The following SLC35F3 variants were observed in gnomAD, a reference collection of about 807,000 sequenced individuals.
The protein encoded by SLC35F3 is putative thiamine transporter SLC35F3.
A neutral mutation model predicts 49.9 loss-of-function variants in SLC35F3; 25 were observed. The ratio of observed to expected loss-of-function variants is 0.50; its 90% confidence interval spans 0.37 to 0.70. SLC35F3 has a LOEUF of 0.70. Ranked by LOEUF, SLC35F3 falls within the 30% of genes least tolerant of loss-of-function variation. SLC35F3 has a pLI of 0.00. For synonymous variants in SLC35F3, 275 were observed against 265.4 expected (o/e 1.04, Z -0.35); for missense variants, 525 against 639.8 (o/e 0.82, Z 1.94).
chr1:233,995,022 T>C (rs1184516380), intron 2 of SLC35F3, among the ~76,000 whole-genome samples: 1 of 152,180 alleles, frequency 6.6e-6, no homozygotes, highest in Non-Finnish European at 1.5e-5. Context: ...TTTGTAAAAA[T>C]AGAGTGATCT....
At chr1:234,134,226 T>C (rs1665776474) in intron 2 of SLC35F3, among the ~76,000 whole-genome samples, 1 of 150,850 alleles carries the variant, frequency 6.6e-6, no homozygotes, top group Non-Finnish European at 1.5e-5. Context: ...TTTCTGCTCT[T>C]GTAAAGTGTA....
chr1:234,232,396 C>G (rs1337991936), intron 3 of SLC35F3, among the ~76,000 whole-genome samples: 3 of 151,850 alleles, frequency 2.0e-5, no homozygotes, highest in Admixed American at 6.6e-5. Flanking sequence ...CAGCCCTCCC[C>G]GGGAGTCACA....
At chr1:234,085,254 G>A (rs1373844034) in intron 2 of SLC35F3, among the ~76,000 whole-genome samples, 1 of 152,112 alleles carries the variant, frequency 6.6e-6, no homozygotes, top group African/African-American at 2.4e-5. Context: ...ATGAATCTTT[G>A]GCAGAGGAAT....
At chr1:234,128,840 G>T (rs1416424669) in intron 2 of SLC35F3, among the ~76,000 whole-genome samples, 13 of 152,152 alleles carry the variant, frequency 8.5e-5, no homozygotes, top group African/African-American at 2.9e-4. Context: ...CACTCTGTCG[G>T]AAAATCGGGG....
At chr1:234,211,506 C>G (rs997707067) in intron 2 of SLC35F3, among the ~76,000 whole-genome samples, 4 of 152,214 alleles carry the variant, frequency 2.6e-5, no homozygotes, top group African/African-American at 9.6e-5. Context: ...GGAACCCCCC[C>G]CTTACATTGG....
chr1:234,169,923 A>C (rs1341216431), intron 2 of SLC35F3, among the ~76,000 whole-genome samples: 2 of 152,072 alleles, frequency 1.3e-5, no homozygotes, highest in Non-Finnish European at 2.9e-5. Flanking sequence ...ACCCACCACC[A>C]TGCCAGGCAA....
intron 2 of SLC35F3, among the ~76,000 whole-genome samples, chr1:234,222,518 T>C (rs1455652185): frequency 1.3e-5 from 2 of 152,182 alleles, no homozygotes; most frequent in African/African-American, 4.8e-5. Flanking sequence ...ACACCTCTTC[T>C]GATTAGAGGA....
intron 2 of SLC35F3, among the ~76,000 whole-genome samples, chr1:233,959,838 A>G (rs1312392608): frequency 7.2e-5 from 11 of 152,146 alleles, no homozygotes; most frequent in Non-Finnish European, 1.5e-5. Flanking sequence ...CAAAAATCTC[A>G]ATGTCTGGAT....
intron 2 of SLC35F3, among the ~76,000 whole-genome samples, chr1:234,124,920 G>A (rs148228312): frequency 3.3e-4 from 51 of 152,262 alleles, no homozygotes; most frequent in African/African-American, 1.1e-3. Context: ...ATGTGTACAC[G>A]CATGTGTCCA....
intron 2 of SLC35F3, among the ~76,000 whole-genome samples, chr1:234,116,543 G>C (rs1379993521): frequency 8.6e-6 from 1 of 116,870 alleles, no homozygotes; most frequent in African/African-American, 3.2e-5. Context: ...ACAGCGTTTT[G>C]CTCTGTTGCC....
At chr1:234,119,157 G>A (rs1263126236) in intron 2 of SLC35F3, among the ~76,000 whole-genome samples, 1 of 152,100 alleles carries the variant, frequency 6.6e-6, no homozygotes, top group Admixed American at 6.5e-5. Flanking sequence ...CAGGGGTGGG[G>A]TGTGTAAGGG....
chr1:234,127,481 T>G (rs527971170), intron 2 of SLC35F3, among the ~76,000 whole-genome samples: 2 of 152,228 alleles, frequency 1.3e-5, no homozygotes, highest in Non-Finnish European at 2.9e-5. Context: ...GAGATCCTTT[T>G]GTATAGAAAG....
At chr1:234,209,959 C>T (rs952344095) in intron 2 of SLC35F3, among the ~76,000 whole-genome samples, 11 of 152,164 alleles carry the variant, frequency 7.2e-5, no homozygotes, top group South Asian at 2.1e-4. Flanking sequence ...TGAGCACTTA[C>T]GATATGGTTT....
rs9435504 is a variant in SLC35F3, at chr1:234,108,369, A to T, written c.284-123048A>T. 2.8e-3 allele frequency among the ~76,000 whole-genome samples: 304 copies of T among 109,206 alleles called. 4 individuals carry two copies. Among genetic ancestry groups the T allele is most frequent in the African/African-American group, 9.9e-3 (299 of 30,320 alleles). The allele number at this position is 109,206 out of a possible 152,430, so 71.6% of individuals were successfully genotyped here. On this transcript the variant is annotated intron_variant, in intron 2 of 7. Transcript: ENST00000366618. Reference sequence around the variant, plus strand: ...AGATATATATTTATATATATGATATATATTATTTATATATATAAAAGATAT... The same window carrying T: ...AGATATATATTTATATATATGATATTTATTATTTATATATATAAAAGATAT...
intron 2 of SLC35F3, among the ~76,000 whole-genome samples, chr1:234,189,366 TA>T (rs1156322131): frequency 1.3e-5 from 2 of 149,680 alleles, no homozygotes; most frequent in Non-Finnish European, 3.0e-5. Flanking sequence ...ATAGCATAAA[TA>T]AAAAATAGTC....
intron 3 of SLC35F3, among the ~76,000 whole-genome samples, chr1:234,288,502 A>C (rs1668457947): frequency 6.6e-6 from 1 of 152,226 alleles, no homozygotes; most frequent in African/African-American, 2.4e-5. Context: ...GGATGTTTTT[A>C]GTCTATGTCT....
rs368778667 is a variant in SLC35F3 at position 233,905,773 on chromosome 1, C to G, written c.283+15C>G. On this transcript the variant is annotated intron_variant, in intron 2 of 7. Coordinates refer to ENST00000366618, the MANE Select transcript of SLC35F3 (RefSeq NM_173508.4). ...GAGCTGCAAAAGTAAGACCCCCTCA[C>G]GTCATGTTTCCCGTTCACTGGTCCA... is the stretch of plus-strand genomic sequence containing the variant. 5.7e-5 allele frequency: 91 copies of G among 1,593,744 alleles called. No individual in the cohort carries two copies. The African/African-American group carries it at 1.1e-3, about 19-fold the overall frequency.
At chr1:234,305,437 C>CAGTG (rs1657136902) in intron 3 of SLC35F3, among the ~76,000 whole-genome samples, 1 of 144,742 alleles carries the variant, frequency 6.9e-6, no homozygotes, top group Non-Finnish European at 1.5e-5. Context: ...GGCTAGAATG[C>CAGTG]AGTGGCACCA....
At chr1:233,978,267 A>G (rs1379219608) in intron 2 of SLC35F3, among the ~76,000 whole-genome samples, 1 of 152,224 alleles carries the variant, frequency 6.6e-6, no homozygotes, top group Non-Finnish European at 1.5e-5. Context: ...TTTGGCCACT[A>G]TCAATCTACA....
Sources: gnomAD v4.1 joint callset for allele counts (sites outside exome capture counted in the v4.1 genomes callset) on GRCh38, gnomAD v4.1.1 for gene constraint, MANE v1.5 for transcripts, NCBI Gene and HGNC (gene_info 2026-07-23, HGNC 2026-07-21) for gene names.